The following ERC1 variants were observed in gnomAD, a reference collection of about 807,000 sequenced individuals.
ERC1 encodes the protein ELKS/RAB6-interacting/CAST family member 1, also known as RAB6 interacting protein 2.
Under a neutral mutation model 132.0 loss-of-function variants are expected in ERC1, and 56 were observed. The observed-to-expected ratio is 0.42, with a 90% confidence interval of 0.34 to 0.53. The LOEUF (loss-of-function observed/expected upper bound fraction) is 0.53, where lower values mean the gene tolerates loss of function less well. Ranked by LOEUF, ERC1 falls within the 20% of genes least tolerant of loss-of-function variation. The pLI, the probability that ERC1 is intolerant of heterozygous loss-of-function variation, is 0.03. For synonymous variants in ERC1, 478 were observed against 476.1 expected (o/e 1.00, Z -0.05); for missense variants, 1,202 against 1,349.9 (o/e 0.89, Z 1.72).
At chr12:1,135,566 G>T (rs947400756) in intron 7 of ERC1, among the ~76,000 whole-genome samples, 13 of 152,170 alleles carry the variant, frequency 8.5e-5, no homozygotes. Flanking sequence ...GCTATTATTA[G>T]TTAAGGTTTG....
At chr12:1,035,684 A>G (rs1408316817) in intron 2 of ERC1, among the ~76,000 whole-genome samples, 1 of 152,108 alleles carries the variant, frequency 6.6e-6, no homozygotes, top group African/African-American at 2.4e-5. Context: ...GCACTTTGGG[A>G]GGCTGAGGTG....
intron 18 of ERC1, among the ~76,000 whole-genome samples, chr12:1,450,628 A>G (rs2093406261): frequency 6.6e-6 from 1 of 152,178 alleles, no homozygotes; most frequent in Non-Finnish European, 1.5e-5. Context: ...CCTTTTCGAG[A>G]CTGTGCTTTC....
At chr12:1,244,832 T>A in intron 13 of ERC1, 1 of 168,316 alleles carries the variant, frequency 5.9e-6, no homozygotes, top group Non-Finnish European at 1.3e-5. Flanking sequence ...TACTTAATGT[T>A]TTGAATAGTT....
intron 15 of ERC1, among the ~76,000 whole-genome samples, chr12:1,300,753 T>TA (rs2080328612): frequency 6.6e-6 from 1 of 152,098 alleles, no homozygotes; most frequent in African/African-American, 2.4e-5. Flanking sequence ...CACAATGAGA[T>TA]ACCATCTCAT....
rs573778965 is a variant in ERC1 at position 1,068,607 on chromosome 12, A to G, written c.670-14557A>G. On this transcript the variant is annotated intron_variant, in intron 2 of 18. Transcript: ENST00000360905. ...AAAAGCCCTTGAAAAAATGAAAATTAATTGCATTTCATACCCTTGAAGCTC... is the reference window on the plus strand; with the variant it reads ...AAAAGCCCTTGAAAAAATGAAAATTGATTGCATTTCATACCCTTGAAGCTC... Among the ~76,000 whole-genome samples, 141 of 138,556 alleles carry G rather than the reference A, an allele frequency of 1.0e-3. 5 individuals are homozygous for G. In the South Asian group the frequency reaches 0.03, roughly 30 times the overall value. The allele number at this position is 138,556 out of a possible 152,430, so 90.9% of individuals were successfully genotyped here.
intron 2 of ERC1, among the ~76,000 whole-genome samples, chr12:1,076,978 G>A (rs1055238287): frequency 1.3e-4 from 20 of 152,302 alleles, no homozygotes; most frequent in African/African-American, 4.8e-4. Context: ...ACATCAGATA[G>A]CCCAACCAAA....
chr12:1,014,805 C>T (rs1965261292), intron 1 of ERC1, among the ~76,000 whole-genome samples: 1 of 151,896 alleles, frequency 6.6e-6, no homozygotes, highest in Admixed American at 6.6e-5. Context: ...TCACTGTCAC[C>T]CAGGCTGGAG....
chr12:1,000,998 G>A (rs1962148483), intron 1 of ERC1, among the ~76,000 whole-genome samples: 1 of 152,064 alleles, frequency 6.6e-6, no homozygotes, highest in African/African-American at 2.4e-5. Context: ...GCACCTCCCA[G>A]GTTCAAGCGA....
chr12:1,455,513 G>A (rs1287587910), intron 18 of ERC1, among the ~76,000 whole-genome samples: 1 of 152,084 alleles, frequency 6.6e-6, no homozygotes, highest in African/African-American at 2.4e-5. Flanking sequence ...TCTGCACTGC[G>A]CTTAGAATTT....
intron 1 of ERC1, among the ~76,000 whole-genome samples, chr12:1,015,960 A>G (rs1434879330): frequency 1.3e-5 from 2 of 151,922 alleles, no homozygotes; most frequent in African/African-American, 2.4e-5. Context: ...AGAATTTCAC[A>G]TATAATATTT....
At chr12:1,270,563 A>C (rs923954790) in intron 14 of ERC1, among the ~76,000 whole-genome samples, 2 of 152,078 alleles carry the variant, frequency 1.3e-5, no homozygotes, top group Admixed American at 1.3e-4. Flanking sequence ...TAAACTAATA[A>C]AAGTATAAAA....
At chr12:1,333,262 G>A (rs994711177) in intron 15 of ERC1, among the ~76,000 whole-genome samples, 3 of 151,660 alleles carry the variant, frequency 2.0e-5, no homozygotes, top group Admixed American at 6.6e-5. Context: ...CCATCCATGT[G>A]CCTGCAAAGG....
chr12:1,431,518 C>A (rs1229810980), intron 17 of ERC1, among the ~76,000 whole-genome samples: 1 of 152,106 alleles, frequency 6.6e-6, no homozygotes, highest in African/African-American at 2.4e-5. Flanking sequence ...TTTAAATTAT[C>A]TTATGGAATC....
chr12:1,215,882 G>A (rs1230319449), intron 12 of ERC1, among the ~76,000 whole-genome samples: 5 of 143,898 alleles, frequency 3.5e-5, no homozygotes, highest in African/African-American at 5.5e-5. Flanking sequence ...ATTTTATTAC[G>A]TAATTAGTGT....
intron 2 of ERC1, among the ~76,000 whole-genome samples, chr12:1,048,956 G>A (rs529300607): frequency 2.0e-5 from 3 of 152,136 alleles, no homozygotes; most frequent in South Asian, 2.1e-4. Flanking sequence ...CTCTTGCTTC[G>A]GATCTCCCCT....
chr12:1,132,168 G>C (rs1948828372), intron 7 of ERC1, among the ~76,000 whole-genome samples: 1 of 152,142 alleles, frequency 6.6e-6, no homozygotes, highest in Admixed American at 6.6e-5. Flanking sequence ...AGTGGTTTTT[G>C]TGGTGGTTTT....
chr12:1,298,846 G>C (rs1349142384), intron 15 of ERC1, among the ~76,000 whole-genome samples: 1 of 151,606 alleles, frequency 6.6e-6, no homozygotes, highest in African/African-American at 2.4e-5. Flanking sequence ...GGAATTAACG[G>C]AAAAAGGTAC....
At chr12:1,419,156 A>G (rs2092321761) in intron 17 of ERC1, among the ~76,000 whole-genome samples, 1 of 152,170 alleles carries the variant, frequency 6.6e-6, no homozygotes, top group Admixed American at 6.5e-5. Context: ...CTTCTCCCCT[A>G]AGAATATTCC....
chr12:1,057,585 G>GTTTTTTTTTTTTTTTTTTTTTTTTT (rs59761885), intron 2 of ERC1, among the ~76,000 whole-genome samples: 2 of 47,696 alleles, frequency 4.2e-5, no homozygotes, highest in Non-Finnish European at 4.0e-5. Context: ...GATGCGCATG[G>GTTTTTTTTTTTTTTTTTTTTTTTTT]TTTTTTTTTT....
Sources: gnomAD v4.1 joint callset for allele counts (sites outside exome capture counted in the v4.1 genomes callset) on GRCh38, gnomAD v4.1.1 for gene constraint, MANE v1.5 for transcripts, NCBI Gene and HGNC (gene_info 2026-07-23, HGNC 2026-07-21) for gene names.